Variants in MEIS2 observed in about 807,000 individuals in gnomAD.
MEIS2 encodes the protein Meis homeobox 2.
MEIS2 carries 9 observed loss-of-function variants against 58.6 expected under a neutral mutation model. The ratio of observed to expected loss-of-function variants is 0.15; its 90% CI spans 0.09 to 0.27. The LOEUF (loss-of-function observed/expected upper bound fraction) is 0.27. MEIS2 is among the 10% of genes least tolerant of loss of function. The pLI, the probability that MEIS2 is intolerant of heterozygous loss-of-function variation, is 1.00. For missense variants in MEIS2, 427 were observed against 635.0 expected (o/e 0.67, Z 3.52); for synonymous variants, 221 against 228.4 (o/e 0.97, Z 0.29).
intron 8 of MEIS2, among the ~76,000 whole-genome samples, chr15:36,993,481 T>C (rs188880630): frequency 2.9e-3 from 448 of 152,256 alleles, no homozygotes; most frequent in Non-Finnish European, 5.1e-3. Context: ...AAAAGATAAC[T>C]ATCAGAGGAA....
intron 9 of MEIS2, chr15:36,897,585 C>A (rs1214332135): frequency 6.6e-6 from 1 of 152,116 alleles, no homozygotes; most frequent in Non-Finnish European, 1.5e-5. Flanking sequence ...GATAAGAAAT[C>A]TCCTTTATTT....
chr15:36,920,848 C>T (rs2057477881), intron 9 of MEIS2, among the ~76,000 whole-genome samples: 1 of 152,136 alleles, frequency 6.6e-6, no homozygotes, highest in Admixed American at 6.5e-5. Flanking sequence ...GTTCTACATC[C>T]TTTACCTAGA....
rs187977367 is a variant in MEIS2, at chr15:37,013,666, A to G, written c.900+23148T>C. On this transcript the variant is annotated intron_variant, in intron 8 of 11. Transcript: ENST00000561208. ...TTCTAGGAGGAACTCAAACAGCTCA[A>G]TGAATTCAGAGCTTTGGCAATGAAA... is the stretch of plus-strand genomic sequence containing the variant. Among the ~76,000 whole-genome samples the G allele has an allele frequency of 4.6e-3, 699 of 150,856 alleles. 2 individuals are homozygous for G. The highest frequency in any genetic ancestry group is 7.1e-3 in the Non-Finnish European group (483 of 67,742).
intron 7 of MEIS2, among the ~76,000 whole-genome samples, chr15:37,060,931 A>G (rs2141840155): frequency 6.6e-6 from 1 of 152,336 alleles, no homozygotes; most frequent in Admixed American, 6.5e-5. Context: ...ATTATCATCT[A>G]CTTTGAGGGT....
chr15:36,967,082 A>C (rs1483368546), intron 8 of MEIS2, among the ~76,000 whole-genome samples: 2 of 152,186 alleles, frequency 1.3e-5, no homozygotes, highest in African/African-American at 4.8e-5. Context: ...TTATTTATTC[A>C]TACTGGGTAA....
chr15:36,937,635 T>C (rs1288055759), intron 9 of MEIS2, among the ~76,000 whole-genome samples: 1 of 152,216 alleles, frequency 6.6e-6, no homozygotes, highest in Non-Finnish European at 1.5e-5. Context: ...GCAAATTACT[T>C]TAGAGTGGAA....
At chr15:36,926,155 CTTTT>C (rs779356754) in intron 9 of MEIS2, among the ~76,000 whole-genome samples, 2 of 144,646 alleles carry the variant, frequency 1.4e-5, no homozygotes, top group Admixed American at 6.9e-5. Context: ...ATTTCATTTC[CTTTT>C]TTTTTTTTTC....
At chr15:36,929,496 G>A (rs1051112894) in intron 9 of MEIS2, among the ~76,000 whole-genome samples, 4 of 152,126 alleles carry the variant, frequency 2.6e-5, no homozygotes, top group African/African-American at 9.7e-5. Context: ...GCTTTTGTGG[G>A]CATGTTTGGG....
chr15:36,950,281 A>G (rs1244573128), intron 9 of MEIS2, 43 bp downstream of exon 9: 2 of 1,472,790 alleles, frequency 1.4e-6, no homozygotes. Context: ...TAGAAATCTC[A>G]TTTTAGCCAT....
intron 3 of MEIS2, chr15:37,095,917 G>C: frequency 2.1e-6 from 1 of 478,276 alleles, no homozygotes; most frequent in Non-Finnish European, 3.8e-6. Flanking sequence ...ACTGCTGCCT[G>C]GGACCGCTCG....
intron 7 of MEIS2, among the ~76,000 whole-genome samples, chr15:37,048,198 CT>C (rs1307897252): frequency 6.6e-6 from 1 of 152,118 alleles, no homozygotes; most frequent in Non-Finnish European, 1.5e-5. Flanking sequence ...TATAATTAGT[CT>C]GCTTCCAAAA....
At chr15:37,020,036 G>A (rs1410401631) in intron 8 of MEIS2, among the ~76,000 whole-genome samples, 1 of 152,138 alleles carries the variant, frequency 6.6e-6, no homozygotes, top group Non-Finnish European at 1.5e-5. Context: ...TCAGCTACAC[G>A]CCAGGACTGT....
intron 9 of MEIS2, among the ~76,000 whole-genome samples, chr15:36,902,848 GA>G (rs549332522): frequency 2.6e-5 from 4 of 152,216 alleles, no homozygotes; most frequent in East Asian, 1.9e-4. Flanking sequence ...CCTCTTAAAG[GA>G]AAAGCTGGGC....
chr15:36,950,652 T>C (rs1012463355), intron 8 of MEIS2, among the ~76,000 whole-genome samples: 1 of 152,136 alleles, frequency 6.6e-6, no homozygotes, highest in Non-Finnish European at 1.5e-5. Context: ...TGCAATTTCT[T>C]TAATCAGTCA....
At chr15:37,078,132 G>A (rs1891665082) in intron 7 of MEIS2, among the ~76,000 whole-genome samples, 3 of 151,958 alleles carry the variant, frequency 2.0e-5, no homozygotes, top group Admixed American at 2.0e-4. Flanking sequence ...CCCACCCAGT[G>A]AAAATAACAT....
chr15:37,060,987 A>C (rs971765140), intron 7 of MEIS2, among the ~76,000 whole-genome samples: 9 of 152,168 alleles, frequency 5.9e-5, no homozygotes, highest in Non-Finnish European at 7.3e-5. Context: ...AAATTAATGA[A>C]AAAGTTAAGA....
chr15:36,935,297 A>T (rs1418229698), intron 9 of MEIS2, among the ~76,000 whole-genome samples: 1 of 151,416 alleles, frequency 6.6e-6, no homozygotes, highest in Non-Finnish European at 1.5e-5. Context: ...GCATACAGCA[A>T]TTTTTAAGCC....
chr15:37,095,428 C>T (rs1156460363), intron 4 of MEIS2, 136 bp downstream of exon 4: 2 of 1,361,854 alleles, frequency 1.5e-6, no homozygotes, highest in Non-Finnish European at 2.0e-6. Context: ...CTCTAAGCTG[C>T]TCCCTTCCTC....
intron 9 of MEIS2, among the ~76,000 whole-genome samples, chr15:36,930,790 CTA>C (rs2057948177): frequency 6.6e-6 from 1 of 152,196 alleles, no homozygotes; most frequent in Non-Finnish European, 1.5e-5. Context: ...GCACATCTTT[CTA>C]TAAGTACAAA....
Sources: gnomAD v4.1 joint callset for allele counts (sites outside exome capture counted in the v4.1 genomes callset) on GRCh38, gnomAD v4.1.1 for gene constraint, MANE v1.5 for transcripts, NCBI Gene and HGNC (gene_info 2026-07-23, HGNC 2026-07-21) for gene names.